The following MAT1A variants were observed in gnomAD, a reference collection of about 807,000 sequenced individuals.
MAT1A encodes methionine adenosyltransferase 1A.
In MAT1A, 19 loss-of-function variants were observed where a neutral mutation model predicts 44.0. The ratio of observed to expected loss-of-function variants is 0.43; its 90% CI spans 0.30 to 0.63. The LOEUF (loss-of-function observed/expected upper bound fraction) is 0.63. Among genes scored for constraint, MAT1A ranks in the 30% least tolerant of loss-of-function variants. The probability of loss-of-function intolerance (pLI) is 0.12; values close to 1 mark genes in which losing one functional copy is unlikely to be tolerated. For synonymous variants in MAT1A, 205 were observed against 205.6 expected (o/e 1.00, Z 0.03); for missense variants, 397 against 531.0 (o/e 0.75, Z 2.48).
rs759149745 is a variant in MAT1A, at chr10:80,275,112, C to T, written c.856G>A (p.Asp286Asn). The T allele has an allele frequency of 1.2e-6, 2 of 1,610,596 alleles. No individual in the cohort carries two copies. Among genetic ancestry groups the T allele is most frequent in the Non-Finnish European group, 1.7e-6 (2 of 1,178,586 alleles). The part of the protein sequence containing the change: ...AHGGGAFSGK[D>N]YTKVDRSAAY... ...GCTGAGCGGTCTACCTTGGTGTAGT[C>T]CTTCCCAGAGAAGGCCCCACCACCA... Residue 286 changes from aspartate to asparagine, a missense_variant, in exon 7 of 9, where the codon GAC (aspartate) becomes AAC (asparagine). Asp to Asn is a conservative substitution (Grantham distance 23, BLOSUM62 1). Transcript: ENST00000372213.
intron 2 of MAT1A, among the ~76,000 whole-genome samples, chr10:80,285,119 T>C (rs7072119): frequency 3.9e-5 from 6 of 152,160 alleles, no homozygotes; most frequent in Admixed American, 3.9e-4. Flanking sequence ...ACAATGAGGA[T>C]GCAGCTTATA....
chr10:80,276,964 G>T (rs923471052), intron 5 of MAT1A, among the ~76,000 whole-genome samples: 1 of 152,188 alleles, frequency 6.6e-6, no homozygotes, highest in Non-Finnish European at 1.5e-5. Context: ...TAGCCCAGGA[G>T]GTATCTCTCC....
At chr10:80,282,838 C>A (rs1238775621) in intron 3 of MAT1A, among the ~76,000 whole-genome samples, 2 of 152,100 alleles carry the variant, frequency 1.3e-5, no homozygotes, top group Admixed American at 6.5e-5. Context: ...GCACCCTGAC[C>A]CACAGGATGC....
rs1351434034 is a variant in MAT1A, at chr10:80,284,000, C to T, written c.208G>A (p.Glu70Lys). 1.2e-6 allele frequency: 2 copies of T among 1,614,056 alleles called. No homozygotes were observed. The highest frequency in any genetic ancestry group is 1.7e-6 in the Non-Finnish European group (2 of 1,180,040). ...TCCACCATGGCCATTGAGGTGATCTCACCACACAGCAGCACCATGCCGGTC... is the reference window on the plus strand; with the variant it reads ...TCCACCATGGCCATTGAGGTGATCTTACCACACAGCAGCACCATGCCGGTC... ...CKTGMVLLCG[E>K]ITSMAMVDYQ... is the part of the protein sequence containing the mutation. Residue 70 changes from glutamate to lysine, a missense_variant, in exon 3 of 9, where the codon GAG becomes AAG. Coordinates refer to ENST00000372213, the MANE Select transcript of MAT1A (RefSeq NM_000429.3).
intron 1 of MAT1A, among the ~76,000 whole-genome samples, chr10:80,288,724 T>A (rs1219363501): frequency 1.3e-5 from 2 of 152,166 alleles, no homozygotes; most frequent in Non-Finnish European, 2.9e-5. Context: ...CATGGTCTTG[T>A]TTCAGGAACA....
chr10:80,273,824 C>A lies in MAT1A; in HGVS notation c.1145G>T (p.Arg382Ile), dbSNP rs1327960549. 1.2e-6 allele frequency: 2 copies of A among 1,614,020 alleles called. No homozygotes were observed. The highest frequency in any genetic ancestry group is 1.3e-5 in the African/African-American group (1 of 75,052). ...GGGAACCTCCCATGGGAACTCGCTTCTTCCGAAATGGCCGTAGCATGCTGT... is the reference window on the plus strand; with the variant it reads ...GGGAACCTCCCATGGGAACTCGCTTATTCCGAAATGGCCGTAGCATGCTGT... ...QKTACYGHFG[R>I]SEFPWEVPRK... The change falls in exon 9 of 9, where the codon AGA becomes ATA. Residue 382 changes from arginine to isoleucine, a missense_variant. Arg to Ile is a moderately conservative substitution (Grantham distance 97). Transcript: ENST00000372213.
At chr10:80,284,124 C>T in intron 2 of MAT1A, 86 bp from the exon 3 acceptor site, 2 of 1,543,854 alleles carry the variant, frequency 1.3e-6, no homozygotes, top group African/African-American at 1.4e-5. Flanking sequence ...ACAGTGCAGA[C>T]AGAAAAGACA....
chr10:80,279,704 A>G (rs1459658938), intron 5 of MAT1A, among the ~76,000 whole-genome samples: 2 of 152,118 alleles, frequency 1.3e-5, no homozygotes, highest in African/African-American at 4.8e-5. Flanking sequence ...CCTTTTCATG[A>G]GAAACAAAGA....
chr10:80,275,214 A>G lies in MAT1A; in HGVS notation c.769-15T>C, dbSNP rs1251883581. The G allele has an allele frequency of 6.2e-7, 1 of 1,607,910 alleles. No individual in the cohort carries two copies. The highest frequency in any genetic ancestry group is 8.5e-7 in the Non-Finnish European group (1 of 1,176,840). On this transcript the variant is annotated splice_polypyrimidine_tract_variant and intron_variant, in intron 6 of 8. Coordinates refer to ENST00000372213, the MANE Select transcript of MAT1A (RefSeq NM_000429.3). The stretch of plus-strand genomic sequence containing the variant: ...CCCGCATCCCCCTGCAGAGGGAGAG[A>G]AATCAAGATAAGAAGCAGAGCCAGC...
Position 80,276,474 on chromosome 10 carries a change from C to T in MAT1A, c.670G>A (p.Glu224Lys). ...GGCACCACGGCCCTGATGACTTGCT[C>T]CTTCAGGGCCCTGCGCATCTCCTCC... Reference protein sequence around the residue: ...TLEEMRRALKEQVIRAVVPAK... With the variant: ...TLEEMRRALKKQVIRAVVPAK... Residue 224 changes from glutamate (E) to lysine (K), a missense_variant, in exon 6 of 9, where the codon GAG (glutamate) becomes AAG (lysine). Glu to Lys is a moderately conservative substitution (Grantham distance 56). Transcript: ENST00000372213. 6.2e-7 allele frequency: 1 copy of T among 1,614,158 alleles called. No homozygotes were observed. Among genetic ancestry groups the T allele is most frequent in the Non-Finnish European group, 8.5e-7 (1 of 1,180,036 alleles).
intron 3 of MAT1A, among the ~76,000 whole-genome samples, chr10:80,281,389 C>T (rs1002482314): frequency 8.5e-5 from 13 of 152,254 alleles, no homozygotes; most frequent in Admixed American, 8.5e-4. Context: ...TGCCCTTTCC[C>T]ATCTACAAAG....
Position 80,285,539 on chromosome 10 carries a change from G to T in MAT1A, c.142C>A (p.Gln48Lys), listed in dbSNP as rs1589483896. 6 of 1,614,164 alleles carry T rather than the reference G, an allele frequency of 3.7e-6. 1 individual carries two copies. The East Asian group carries it at 6.7e-5, about 18-fold the overall frequency. Residue 48 changes from glutamine (Q) to lysine (K), a missense_variant, in exon 2 of 9, where the codon CAA (glutamine) becomes AAA (lysine). Coordinates refer to ENST00000372213, the MANE Select transcript of MAT1A (RefSeq NM_000429.3). ...SDAVLDAHLK[Q>K]DPNAKVACET... ...CAGGCCACCTTGGCATTGGGGTCTT[G>T]CTTGAGATGGGCATCCAGCACTGCA... is the stretch of plus-strand genomic sequence containing the variant.
chr10:80,281,806 G>A (rs1841571657), intron 3 of MAT1A, among the ~76,000 whole-genome samples: 1 of 152,146 alleles, frequency 6.6e-6, no homozygotes, highest in Non-Finnish European at 1.5e-5. Flanking sequence ...TTGCTCCTGG[G>A]ACTCCTTGAG....
At chr10:80,289,198 A>G in intron 1 of MAT1A, 135 bp downstream of exon 1, 1 of 770,392 alleles carries the variant, frequency 1.3e-6, no homozygotes, top group East Asian at 2.5e-5. Context: ...TGTTATACTC[A>G]TGGATCAAAA....
At chr10:80,274,388 A>T in intron 8 of MAT1A, 132 bp downstream of exon 8, 1 of 1,301,468 alleles carries the variant, frequency 7.7e-7, no homozygotes, top group East Asian at 2.3e-5. Context: ...ACTGTGCTGT[A>T]CCAAGAGCTC....
At chr10:80,274,466 A>C in intron 8 of MAT1A, 54 bp downstream of exon 8, 3 of 1,612,364 alleles carry the variant, frequency 1.9e-6, no homozygotes, top group Non-Finnish European at 1.7e-6. Flanking sequence ...TGAGGTGAGC[A>C]TCTGGGCAAG....
chr10:80,286,072 G>A (rs912198505), intron 1 of MAT1A, among the ~76,000 whole-genome samples: 7 of 152,056 alleles, frequency 4.6e-5, no homozygotes, highest in East Asian at 3.9e-4. Flanking sequence ...CAAGTGATCC[G>A]CCCACCTCAG....
intron 8 of MAT1A, 134 bp downstream of exon 8, chr10:80,274,386 G>A (rs750201015): frequency 5.8e-5 from 75 of 1,284,512 alleles, no homozygotes; most frequent in Non-Finnish European, 7.8e-5. Context: ...GCACTGTGCT[G>A]TACCAAGAGC....
chr10:80,276,496 C>T lies in MAT1A; in HGVS notation c.648G>A (p.Glu216=). 6.2e-7 allele frequency: 1 copy of T among 1,614,184 alleles called. No homozygotes were observed. Among genetic ancestry groups the T allele is most frequent in the Non-Finnish European group, 8.5e-7 (1 of 1,180,052 alleles). Reference sequence around the variant, plus strand: ...GCTCCTTCAGGGCCCTGCGCATCTCCTCCAGCGTGATGTCTTCGTTGTGCT... The same window carrying T: ...GCTCCTTCAGGGCCCTGCGCATCTCTTCCAGCGTGATGTCTTCGTTGTGCT... ...SVQHNEDITL[E]EMRRALKEQV... The change falls in exon 6 of 9, where the codon GAG becomes GAA. Residue 216 remains glutamate (E), a synonymous_variant. Transcript: ENST00000372213.
Sources: allele counts gnomAD v4.1 joint callset (sites outside exome capture counted in the v4.1 genomes callset), GRCh38; gene constraint gnomAD v4.1.1; transcripts MANE v1.5; gene names NCBI Gene and HGNC (gene_info 2026-07-23, HGNC 2026-07-21).